ZMAT4: variants seen among roughly 807,000 people sequenced by gnomAD.
The protein encoded by ZMAT4 is zinc finger matrin-type 4.
A neutral mutation model predicts 28.7 loss-of-function variants in ZMAT4; 17 were observed. The observed-to-expected ratio is 0.59, with a 90% confidence interval of 0.41 to 0.89. The LOEUF is 0.89. ZMAT4 is among the 40% of genes least tolerant of loss of function. The pLI, the probability that ZMAT4 is intolerant of heterozygous loss-of-function variation, is 0.00. For synonymous variants in ZMAT4, 117 were observed against 109.2 expected, an observed-to-expected ratio of 1.07 and a Z score of -0.44; for missense variants, 240 against 283.8, an observed-to-expected ratio of 0.85 and a Z score of 1.11.
chr8:40,661,271 T>C (rs1471067154), intron 5 of ZMAT4, among the ~76,000 whole-genome samples: 1 of 152,204 alleles, frequency 6.6e-6, no homozygotes, highest in Non-Finnish European at 1.5e-5. Context: ...GGCTAATTTT[T>C]GTATTTTTTG....
intron 3 of ZMAT4, among the ~76,000 whole-genome samples, chr8:40,708,477 A>G (rs1016052936): frequency 6.6e-6 from 1 of 151,928 alleles, no homozygotes; most frequent in African/African-American, 2.4e-5. Context: ...GGTTCAGACA[A>G]ATGTGGGGGA....
chr8:40,691,969 T>C (rs1483844851), intron 4 of ZMAT4, among the ~76,000 whole-genome samples: 1 of 152,206 alleles, frequency 6.6e-6, no homozygotes, highest in Non-Finnish European at 1.5e-5. Flanking sequence ...GATACATTCC[T>C]GTTAAATTGG....
At chr8:40,586,023 C>T (rs531919343) in intron 5 of ZMAT4, among the ~76,000 whole-genome samples, 3 of 152,120 alleles carry the variant, frequency 2.0e-5, no homozygotes, top group African/African-American at 7.2e-5. Flanking sequence ...GCTCTGCAGC[C>T]AGAGGCGTGG....
chr8:40,861,519 G>T (rs995429102), intron 1 of ZMAT4, among the ~76,000 whole-genome samples: 12 of 152,180 alleles, frequency 7.9e-5, no homozygotes, highest in East Asian at 3.8e-4. Context: ...CATGGGCAAG[G>T]ACTTCGTGTC....
At chr8:40,819,585 A>G (rs1299253971) in intron 2 of ZMAT4, among the ~76,000 whole-genome samples, 1 of 152,136 alleles carries the variant, frequency 6.6e-6, no homozygotes, top group Admixed American at 6.5e-5. Context: ...CACTCAGCAC[A>G]TGGCTCCCAC....
At chr8:40,658,615 CACAT>C (rs1242678594) in intron 5 of ZMAT4, among the ~76,000 whole-genome samples, 52 of 85,556 alleles carry the variant, frequency 6.1e-4, no homozygotes, top group African/African-American at 2.0e-3. Context: ...CAGCGTTAGA[CACAT>C]ACACACACAC....
intron 2 of ZMAT4, among the ~76,000 whole-genome samples, chr8:40,807,267 C>T (rs957250247): frequency 6.6e-6 from 1 of 151,786 alleles, no homozygotes; most frequent in African/African-American, 2.4e-5. Context: ...CATGGCAAAA[C>T]CTCGTCTCTG....
At chr8:40,807,109 T>C (rs1270205169) in intron 2 of ZMAT4, among the ~76,000 whole-genome samples, 2 of 130,068 alleles carry the variant, frequency 1.5e-5, no homozygotes, top group Non-Finnish European at 3.3e-5. Flanking sequence ...TAAAACTCTC[T>C]TGGGCAGGGG....
intron 3 of ZMAT4, among the ~76,000 whole-genome samples, chr8:40,718,711 GA>G (rs1460172135): frequency 2.0e-5 from 3 of 152,064 alleles, no homozygotes; most frequent in Non-Finnish European, 4.4e-5. Flanking sequence ...CACACAGAGA[GA>G]AAAGCAAGCA....
rs760755887 is a variant in ZMAT4, at chr8:40,783,063, C to T, written c.103-15333G>A. 3.3e-5 allele frequency among the ~76,000 whole-genome samples: 5 copies of T among 152,156 alleles called. No homozygotes were observed. The South Asian group carries it at 6.2e-4, about 19-fold the overall frequency. ...CTCTGAAATTTCACTCATAGGTGTA[C>T]GCTCATGAGAATTGAAAAACATATT... On this transcript the variant is annotated intron_variant, in intron 2 of 6. Transcript: ENST00000297737.
intron 3 of ZMAT4, among the ~76,000 whole-genome samples, chr8:40,746,195 C>G (rs1338647326): frequency 6.6e-6 from 1 of 151,220 alleles, no homozygotes; most frequent in African/African-American, 2.4e-5. Flanking sequence ...TTTCTTTCTT[C>G]CCACCTTCCT....
In ZMAT4 at chr8:40,801,352, A is replaced by ATATATATATATATATATATATATG. The variant is rs1814833250; in HGVS notation, c.102+24222_102+24223insCATATATATATATATATATATATA. Among the ~76,000 whole-genome samples, 8 of 72,142 alleles carry ATATATATATATATATATATATATG rather than the reference A, an allele frequency of 1.1e-4. 1 individual carries two copies. The highest frequency in any genetic ancestry group is 3.7e-4 in the African/African-American group (8 of 21,760). 47.3% of individuals were successfully genotyped at this position (72,142 alleles called of 152,430 possible). A position where few individuals can be genotyped will look rare whatever the true frequency, so the allele number is the denominator to read the frequency against. ...GATGATACTTTCTTTAAAAAAAAAA[A>ATATATATATATATATATATATATG]TATATATATATATATATATACATAT... On this transcript the variant is annotated intron_variant, in intron 2 of 6. Coordinates refer to ENST00000297737, the MANE Select transcript of ZMAT4 (RefSeq NM_024645.3).
intron 5 of ZMAT4, among the ~76,000 whole-genome samples, chr8:40,628,659 C>A (rs931840826): frequency 9.2e-5 from 14 of 152,070 alleles, no homozygotes; most frequent in Non-Finnish European, 2.1e-4. Context: ...GAGGGGTTGA[C>A]AAGATGGTGT....
chr8:40,591,092 G>A (rs1009630937), intron 5 of ZMAT4, among the ~76,000 whole-genome samples: 6 of 152,078 alleles, frequency 3.9e-5, no homozygotes, highest in African/African-American at 1.4e-4. Context: ...TCATGTCTGT[G>A]TCTTTCAAGC....
intron 5 of ZMAT4, among the ~76,000 whole-genome samples, chr8:40,582,474 G>C (rs6474260): frequency 0.15 from 22,593 of 152,028 alleles, 2,653 homozygotes; most frequent in African/African-American, 0.33. Flanking sequence ...GGATGACAGA[G>C]TGAGGCCTTG....
intron 5 of ZMAT4, among the ~76,000 whole-genome samples, chr8:40,632,235 C>A (rs1806616213): frequency 6.6e-6 from 1 of 152,106 alleles, no homozygotes. Context: ...AAAACAAGGC[C>A]AGGCACATAG....
chr8:40,562,142 G>A (rs1007068723), intron 6 of ZMAT4, among the ~76,000 whole-genome samples: 1 of 152,278 alleles, frequency 6.6e-6, no homozygotes, highest in South Asian at 2.1e-4. Context: ...TCTGGTTCAA[G>A]TCTTCATATC....
At chr8:40,569,246 C>A (rs1003030212) in intron 6 of ZMAT4, among the ~76,000 whole-genome samples, 3 of 152,172 alleles carry the variant, frequency 2.0e-5, no homozygotes, top group Admixed American at 1.3e-4. Flanking sequence ...CTTACCTTCT[C>A]TCCCTACTTC....
intron 3 of ZMAT4, among the ~76,000 whole-genome samples, chr8:40,767,298 C>T (rs1813200944): frequency 6.6e-6 from 1 of 152,128 alleles, no homozygotes; most frequent in Admixed American, 6.6e-5. Context: ...ATATTTCTGA[C>T]AGATTTGCCC....
Sources: gnomAD v4.1 joint callset for allele counts (sites outside exome capture counted in the v4.1 genomes callset) on GRCh38, gnomAD v4.1.1 for gene constraint, MANE v1.5 for transcripts, NCBI Gene and HGNC (gene_info 2026-07-23, HGNC 2026-07-21) for gene names.